SAXO1: variants seen among roughly 807,000 people sequenced by gnomAD.
SAXO1 encodes the protein stabilizer of axonemal microtubules 1.
A neutral mutation model predicts 17.5 loss-of-function variants in SAXO1; 21 were observed. The ratio of observed to expected loss-of-function variants is 1.20; its 90% CI spans 0.85 to 1.72. SAXO1 has a LOEUF of 1.72. Ranked by LOEUF, SAXO1 falls within the 40% of genes most tolerant of loss-of-function variation. SAXO1 has a pLI of 0.00. For synonymous variants in SAXO1, 274 were observed against 216.5 expected, an observed-to-expected ratio of 1.27 and a Z score of -2.33; for missense variants, 843 against 596.0, an observed-to-expected ratio of 1.41 and a Z score of -4.32.
chr9:18,934,350 G>C (rs1465542241), intron 3 of SAXO1, among the ~76,000 whole-genome samples: 1 of 152,068 alleles, frequency 6.6e-6, no homozygotes, highest in Non-Finnish European at 1.5e-5. Context: ...GTCTGGTTTG[G>C]ACCTTTCTCT....
At chr9:18,951,765 C>A (rs932889674) in intron 1 of SAXO1, among the ~76,000 whole-genome samples, 3 of 152,166 alleles carry the variant, frequency 2.0e-5, no homozygotes, top group African/African-American at 7.2e-5. Context: ...GGGCCTTTAT[C>A]AACCTTGTTC....
chr9:19,046,649 C>G (rs2131078797), intron 1 of SAXO1, among the ~76,000 whole-genome samples: 1 of 151,274 alleles, frequency 6.6e-6, no homozygotes, highest in East Asian at 1.9e-4. Flanking sequence ...TTGTGGTGAG[C>G]TGAGATCATG....
At position 18,980,601 on chromosome 9, in the gene SAXO1, G is replaced by A. The variant is rs80080808; in HGVS notation, c.39-29664C>T. Among the ~76,000 whole-genome samples the A allele has an allele frequency of 5.3e-3, 805 of 151,662 alleles. 4 individuals are homozygous for A. Among genetic ancestry groups the A allele is most frequent in the African/African-American group, 0.018 (729 of 41,200 alleles). On this transcript the variant is annotated intron_variant, in intron 1 of 3. Transcript: ENST00000380534. The stretch of plus-strand genomic sequence containing the variant: ...GGAGGAGGAGGGTGTGCACCAGGCT[G>A]GGGCTAAAGAAATGTTTCAGACTGG...
At chr9:18,965,032 G>C (rs1832656902) in intron 1 of SAXO1, among the ~76,000 whole-genome samples, 1 of 152,200 alleles carries the variant, frequency 6.6e-6, no homozygotes, top group African/African-American at 2.4e-5. Context: ...ACATTCAGGA[G>C]CAGGTTGTTC....
At chr9:19,028,169 G>A in intron 1 of SAXO1, 1 of 1,404,436 alleles carries the variant, frequency 7.1e-7, no homozygotes, top group Non-Finnish European at 1.0e-6. Flanking sequence ...CGCGGCTGAA[G>A]TGCGCAATAA....
intron 1 of SAXO1, among the ~76,000 whole-genome samples, chr9:19,024,044 C>CTTTTT (rs1563988508): frequency 1.6e-4 from 13 of 83,148 alleles, no homozygotes; most frequent in African/African-American, 3.0e-4. Flanking sequence ...TTTTTTTTTG[C>CTTTTT]GGGGGAAAAG....
chr9:19,033,456 C>T (rs912984644), upstream of SAXO1, among the ~76,000 whole-genome samples: 1 of 152,254 alleles, frequency 6.6e-6, no homozygotes, highest in Admixed American at 6.5e-5. Context: ...AAGCTGAAAA[C>T]TCCCTCACCA....
chr9:18,959,543 G>A (rs1029459728), intron 1 of SAXO1, among the ~76,000 whole-genome samples: 27 of 152,108 alleles, frequency 1.8e-4, no homozygotes, highest in African/African-American at 5.6e-4. Context: ...GGACAGGGCC[G>A]ATGGATCACC....
upstream of SAXO1, among the ~76,000 whole-genome samples, chr9:19,034,977 A>C (rs1003015393): frequency 6.6e-6 from 1 of 151,690 alleles, no homozygotes; most frequent in Non-Finnish European, 1.5e-5. Context: ...CACTTCCTCC[A>C]TCCATGCCCT....
chr9:19,002,006 A>T (rs550208064), intron 1 of SAXO1, among the ~76,000 whole-genome samples: 1 of 152,326 alleles, frequency 6.6e-6, no homozygotes, highest in Non-Finnish European at 1.5e-5. Flanking sequence ...TAGCCAGACT[A>T]ATAAAGAAGA....
At chr9:18,931,923 A>G (rs977952155) in intron 3 of SAXO1, among the ~76,000 whole-genome samples, 2 of 152,168 alleles carry the variant, frequency 1.3e-5, no homozygotes, top group Non-Finnish European at 1.5e-5. Flanking sequence ...TACACCAGGT[A>G]TGTGATTTAC....
rs57612660 is a variant in SAXO1, at chr9:18,951,415, C to T, written c.39-478G>A. 9.7e-3 allele frequency among the ~76,000 whole-genome samples: 1,482 copies of T among 152,270 alleles called. 25 individuals are homozygous for T. The highest frequency in any genetic ancestry group is 0.033 in the African/African-American group (1,383 of 41,544). On this transcript the variant is annotated intron_variant, in intron 1 of 3. Transcript: ENST00000380534. Reference sequence around the variant, plus strand: ...TAGCTCCTGGGTCAACTCGGAATATCATCACTGTACACAAATGACATCATT... The same window carrying T: ...TAGCTCCTGGGTCAACTCGGAATATTATCACTGTACACAAATGACATCATT...
At chr9:18,938,533 AG>A (rs1831399480) in intron 3 of SAXO1, among the ~76,000 whole-genome samples, 2 of 152,006 alleles carry the variant, frequency 1.3e-5, no homozygotes, top group Admixed American at 6.6e-5. Context: ...CTAAGGGGGC[AG>A]GGGGGTGCTA....
intron 1 of SAXO1, among the ~76,000 whole-genome samples, chr9:18,987,718 G>A (rs1833652537): frequency 6.6e-6 from 1 of 152,032 alleles, no homozygotes; most frequent in Admixed American, 6.6e-5. Flanking sequence ...GGGCAACAGA[G>A]GGAGACCTCA....
intron 1 of SAXO1, among the ~76,000 whole-genome samples, chr9:18,954,399 C>G (rs1043450324): frequency 7.2e-5 from 11 of 151,792 alleles, no homozygotes; most frequent in African/African-American, 2.7e-4. Flanking sequence ...GGCAGTGGTG[C>G]CATCACAGCT....
At chr9:18,934,972 A>T (rs1831225357) in intron 3 of SAXO1, among the ~76,000 whole-genome samples, 1 of 151,874 alleles carries the variant, frequency 6.6e-6, no homozygotes. Flanking sequence ...TGTTGCCCAG[A>T]CTGGAGTGCA....
At chr9:18,997,955 T>C (rs891165573) in intron 1 of SAXO1, among the ~76,000 whole-genome samples, 3 of 152,070 alleles carry the variant, frequency 2.0e-5, no homozygotes, top group African/African-American at 7.2e-5. Flanking sequence ...CAAAACCCCA[T>C]CTGTAGGTCA....
intron 1 of SAXO1, among the ~76,000 whole-genome samples, chr9:19,014,468 A>C (rs1022302316): frequency 6.6e-6 from 1 of 151,040 alleles, no homozygotes; most frequent in African/African-American, 2.4e-5. Flanking sequence ...CTCAAAAAAA[A>C]AAAAAAAAAG....
At position 18,932,693 on chromosome 9, in the gene SAXO1, G is replaced by C. The variant is rs1230433274; in HGVS notation, c.422-3638C>G. 3.9e-5 allele frequency among the ~76,000 whole-genome samples: 6 copies of C among 152,128 alleles called. No individual in the cohort carries two copies. The East Asian group carries it at 9.6e-4, about 24-fold the overall frequency. ...ACAGAATGTCCATCATTTTTGTTCA[G>C]ATTTTAATTTCTCCCAGCAATCGTT... On this transcript the variant is annotated intron_variant, in intron 3 of 3. Coordinates refer to ENST00000380534, the MANE Select transcript of SAXO1 (RefSeq NM_153707.4).
Sources: allele counts gnomAD v4.1 joint callset (sites outside exome capture counted in the v4.1 genomes callset), GRCh38; gene constraint gnomAD v4.1.1; transcripts MANE v1.5; gene names NCBI Gene and HGNC (gene_info 2026-07-23, HGNC 2026-07-21).